PLCB1: variants seen among roughly 807,000 people sequenced by gnomAD.
PLCB1 encodes 1-phosphatidylinositol 4,5-bisphosphate phosphodiesterase beta-1.
PLCB1 carries 46 observed loss-of-function variants against 161.8 expected under a neutral mutation model. The observed-to-expected ratio is 0.28, with a 90% CI of 0.22 to 0.36. The LOEUF (loss-of-function observed/expected upper bound fraction) is 0.36, where lower values mean the gene tolerates loss of function less well. PLCB1 is among the 10% of genes least tolerant of loss of function. PLCB1 has a pLI of 1.00. For synonymous variants in PLCB1, 517 were observed against 503.7 expected, an observed-to-expected ratio of 1.03 and a Z score of -0.35; for missense variants, 1,016 against 1,472.5, an observed-to-expected ratio of 0.69 and a Z score of 5.07.
At chr20:8,176,965 C>G (rs1354363911) in intron 2 of PLCB1, among the ~76,000 whole-genome samples, 1 of 151,932 alleles carries the variant, frequency 6.6e-6, no homozygotes, top group Non-Finnish European at 1.5e-5. Context: ...ATATTATCAC[C>G]ACTCCCTTCT....
chr20:8,856,725 C>T (rs575451113), intron 31 of PLCB1, among the ~76,000 whole-genome samples: 2 of 152,240 alleles, frequency 1.3e-5, no homozygotes, highest in East Asian at 1.9e-4. Flanking sequence ...GACAGGATGG[C>T]TAGTGATTGG....
At chr20:8,630,518 T>C (rs1218614181) in intron 4 of PLCB1, among the ~76,000 whole-genome samples, 2 of 152,220 alleles carry the variant, frequency 1.3e-5, no homozygotes, top group Non-Finnish European at 2.9e-5. Flanking sequence ...ATTTCTATAG[T>C]ATCATTTATA....
At chr20:8,174,320 A>G (rs369096302) in intron 2 of PLCB1, among the ~76,000 whole-genome samples, 22 of 152,226 alleles carry the variant, frequency 1.4e-4, no homozygotes, top group African/African-American at 4.8e-4. Flanking sequence ...TGGAGACCAG[A>G]AGGCAGTGCA....
chr20:8,178,203 G>A (rs1025958074), intron 2 of PLCB1, among the ~76,000 whole-genome samples: 3 of 152,134 alleles, frequency 2.0e-5, no homozygotes, highest in Admixed American at 6.5e-5. Flanking sequence ...ATTCCTTTGA[G>A]TATATATCCA....
At chr20:8,378,815 T>C (rs1987173071) in intron 3 of PLCB1, among the ~76,000 whole-genome samples, 1 of 152,230 alleles carries the variant, frequency 6.6e-6, no homozygotes, top group South Asian at 2.1e-4. Flanking sequence ...ACTAAGTTTA[T>C]ATAATATTCT....
chr20:8,554,581 A>G (rs184001768), intron 3 of PLCB1, among the ~76,000 whole-genome samples: 5 of 152,292 alleles, frequency 3.3e-5, no homozygotes, highest in African/African-American at 1.2e-4. Flanking sequence ...GATAGAAACC[A>G]GAATAGTAGC....
At chr20:8,653,755 A>G (rs1378600951) in intron 7 of PLCB1, among the ~76,000 whole-genome samples, 1 of 152,054 alleles carries the variant, frequency 6.6e-6, no homozygotes, top group Non-Finnish European at 1.5e-5. Context: ...TCCCAAAACT[A>G]ATAGGAATAT....
chr20:8,790,589 G>A (rs977120037), intron 31 of PLCB1, among the ~76,000 whole-genome samples: 4 of 152,220 alleles, frequency 2.6e-5, no homozygotes, highest in Middle Eastern at 6.8e-3. Flanking sequence ...CTTCAGTTTG[G>A]GTACTACTAA....
chr20:8,423,746 T>G (rs1447128043), intron 3 of PLCB1, among the ~76,000 whole-genome samples: 6 of 152,290 alleles, frequency 3.9e-5, no homozygotes, highest in African/African-American at 1.4e-4. Context: ...GGGAGGAAAC[T>G]CAAATTAACA....
At chr20:8,777,379 C>T (rs563955460) in intron 27 of PLCB1, among the ~76,000 whole-genome samples, 3 of 152,180 alleles carry the variant, frequency 2.0e-5, no homozygotes, top group African/African-American at 7.2e-5. Flanking sequence ...CTGGGGTCTC[C>T]AGCAGATGAC....
At chr20:8,463,944 ATT>A (rs963825601) in intron 3 of PLCB1, among the ~76,000 whole-genome samples, 102 of 152,134 alleles carry the variant, frequency 6.7e-4, no homozygotes, top group African/African-American at 2.4e-3. Context: ...ATTTGGGATT[ATT>A]TTCCTTCTGA....
At position 8,290,899 on chromosome 20, in the gene PLCB1, ATAAAT is replaced by A. The variant is rs372496105; in HGVS notation, c.178-80480_178-80476del. Among the ~76,000 whole-genome samples, 33 of 152,250 alleles carry A rather than the reference ATAAAT, an allele frequency of 2.2e-4. 1 individual carries two copies. In the East Asian group the frequency reaches 6.0e-3, roughly 28 times the overall value. On this transcript the variant is annotated intron_variant, in intron 2 of 31. Transcript: ENST00000338037. ...ATTTGGAAGAACATAAATTATAACT[ATAAAT>A]TATATAAATTATAAGTTACAACTAT...
chr20:8,572,757 C>T (rs1986561224), intron 3 of PLCB1, among the ~76,000 whole-genome samples: 2 of 152,138 alleles, frequency 1.3e-5, no homozygotes, highest in South Asian at 4.1e-4. Flanking sequence ...ACAATGACTG[C>T]AGAACATTAA....
chr20:8,845,751 GA>G (rs1334339253), intron 31 of PLCB1, among the ~76,000 whole-genome samples: 2 of 149,850 alleles, frequency 1.3e-5, no homozygotes, highest in Admixed American at 6.6e-5. Flanking sequence ...AAGCAGGAAG[GA>G]AAAAAAAAGA....
intron 2 of PLCB1, among the ~76,000 whole-genome samples, chr20:8,224,843 A>C (rs185061523): frequency 6.6e-6 from 1 of 152,234 alleles, no homozygotes; most frequent in Non-Finnish European, 1.5e-5. Flanking sequence ...TCCTCTCATT[A>C]GATGAGTTTC....
chr20:8,810,454 A>C (rs984801672), intron 31 of PLCB1, among the ~76,000 whole-genome samples: 18 of 152,268 alleles, frequency 1.2e-4, no homozygotes, highest in African/African-American at 4.3e-4. Flanking sequence ...AAGGAATTCA[A>C]GCAGAAAAGG....
At chr20:8,548,005 C>T (rs1413547654) in intron 3 of PLCB1, among the ~76,000 whole-genome samples, 2 of 152,076 alleles carry the variant, frequency 1.3e-5, no homozygotes, top group African/African-American at 4.8e-5. Context: ...ATCTCAAGTG[C>T]TAGTTCCTCA....
intron 14 of PLCB1, among the ~76,000 whole-genome samples, chr20:8,720,504 A>G (rs908600787): frequency 6.6e-6 from 1 of 152,214 alleles, no homozygotes; most frequent in Non-Finnish European, 1.5e-5. Flanking sequence ...CAGGTATTGT[A>G]TTTCAAAGCT....
intron 31 of PLCB1, among the ~76,000 whole-genome samples, chr20:8,872,788 A>C (rs1388625680): frequency 2.0e-5 from 3 of 152,112 alleles, no homozygotes; most frequent in Non-Finnish European, 4.4e-5. Context: ...GGGTTTTCCT[A>C]GTTCCCATTT....
Sources: allele counts gnomAD v4.1 joint callset (sites outside exome capture counted in the v4.1 genomes callset), GRCh38; gene constraint gnomAD v4.1.1; transcripts MANE v1.5; gene names NCBI Gene and HGNC (gene_info 2026-07-23, HGNC 2026-07-21).